The following VDR variants were observed in gnomAD, a reference collection of about 807,000 sequenced individuals.
VDR encodes vitamin D3 receptor.
A neutral mutation model predicts 39.7 loss-of-function variants in VDR; 19 were observed. The observed-to-expected ratio is 0.48, with a 90% CI of 0.33 to 0.70. The LOEUF is 0.70. Among genes scored for constraint, VDR ranks in the 30% least tolerant of loss-of-function variants. The pLI is 0.02. For synonymous variants in VDR, 242 were observed against 215.8 expected (o/e 1.12, Z -1.07); for missense variants, 442 against 570.5 (o/e 0.77, Z 2.29).
chr12:47,869,712 T>C (rs1232787296), intron 3 of VDR, among the ~76,000 whole-genome samples: 1 of 151,996 alleles, frequency 6.6e-6, no homozygotes, highest in Non-Finnish European at 1.5e-5. Context: ...CTGGCCAACA[T>C]GGTGAAACCC....
chr12:47,858,187 C>A (rs577305950), intron 4 of VDR, among the ~76,000 whole-genome samples: 1 of 152,134 alleles, frequency 6.6e-6, no homozygotes, highest in Non-Finnish European at 1.5e-5. Context: ...AGCAGATGCT[C>A]ACTAAATGTT....
In VDR at chr12:47,884,039, T is replaced by C. The variant is rs11574035; in HGVS notation, c.-83-1265A>G. 3.9e-5 allele frequency among the ~76,000 whole-genome samples: 6 copies of C among 152,052 alleles called. No individual in the cohort carries two copies. The South Asian group carries it at 1.2e-3, about 32-fold the overall frequency. ...AACCCAGGCCCTCCTTTGCCCCCTCTGCTCCTACTGCCCAAGTCCTTCCCA... is the reference window on the plus strand; with the variant it reads ...AACCCAGGCCCTCCTTTGCCCCCTCCGCTCCTACTGCCCAAGTCCTTCCCA... On this transcript the variant is annotated intron_variant, in intron 1 of 9. Coordinates refer to ENST00000549336, the MANE Select transcript of VDR (RefSeq NM_000376.3).
chr12:47,889,526 A>G (rs1309028713), intron 1 of VDR, among the ~76,000 whole-genome samples: 1 of 152,122 alleles, frequency 6.6e-6, no homozygotes, highest in East Asian at 1.9e-4. Flanking sequence ...ATGAACAAGA[A>G]CTCAAGACAG....
In VDR at chr12:47,844,687, GCCTGGCACGTGGC is replaced by G; in HGVS notation, c.*46_*58del. 6.2e-7 allele frequency: 1 copy of G among 1,610,306 alleles called. No homozygotes were observed. Among genetic ancestry groups the G allele is most frequent in the Non-Finnish European group, 8.5e-7 (1 of 1,178,930 alleles). ...GCTGCTGAGTAGCCGCCAGCCCCGG[GCCTGGCACGTGGC>G]CCTGGAGGAGCAGCCCCACCCAGGC... On this transcript the variant is annotated 3_prime_UTR_variant, in exon 10 of 10. Coordinates refer to ENST00000549336, the MANE Select transcript of VDR (RefSeq NM_000376.3).
At chr12:47,882,636 A>T (rs886447380) in intron 2 of VDR, 58 bp downstream of exon 2, 2 of 277,316 alleles carry the variant, frequency 7.2e-6, no homozygotes, top group Non-Finnish European at 1.3e-5. Context: ...CCTCCCCCCC[A>T]CCCCGCCCCT....
intron 1 of VDR, among the ~76,000 whole-genome samples, chr12:47,891,545 C>T (rs1225719492): frequency 2.0e-5 from 3 of 152,142 alleles, no homozygotes; most frequent in African/African-American, 7.2e-5. Flanking sequence ...AAACTGACCA[C>T]CCCACCCACT....
Position 47,844,626 on chromosome 12 carries a change from C to T in VDR, c.*120G>A. 2 of 1,385,582 alleles carry T rather than the reference C, an allele frequency of 1.4e-6. No homozygotes were observed. The highest frequency in any genetic ancestry group is 1.2e-5 in the South Asian group (1 of 80,694). The allele number at this position is 1,385,582 out of a possible 1,614,324, so 85.8% of individuals were successfully genotyped here. A position where few individuals can be genotyped will look rare whatever the true frequency, so the allele number is the denominator to read the frequency against. ...TGGGCTGGGTGGATAGGGGAGGTGG[C>T]AGAGGAGGGGCTGAACCCCAGACGG... On this transcript the variant is annotated 3_prime_UTR_variant, in exon 10 of 10. Transcript: ENST00000549336.
rs116207581 is a variant in VDR, at chr12:47,886,435, C to T, written c.-83-3661G>A. Among the ~76,000 whole-genome samples, 804 of 152,338 alleles carry T rather than the reference C, an allele frequency of 5.3e-3. 4 individuals carry two copies. Among genetic ancestry groups the T allele is most frequent in the African/African-American group, 0.019 (775 of 41,564 alleles). On this transcript the variant is annotated intron_variant, in intron 1 of 9. Transcript: ENST00000549336. The stretch of plus-strand genomic sequence containing the variant: ...CCCTCTCTTTCTTCTCCACCATCCC[C>T]ACCATGTATCCATTTTCTTTGTCCA...
chr12:47,882,625 C>CCCAG, intron 2 of VDR, 69 bp downstream of exon 2: 6 of 526,224 alleles, frequency 1.1e-5, no homozygotes, highest in Non-Finnish European at 1.7e-5. Flanking sequence ...CTTCTTATGC[C>CCCAG]CCTCCCCCCC....
At chr12:47,858,546 C>T (rs754063523) in intron 4 of VDR, among the ~76,000 whole-genome samples, 5 of 152,260 alleles carry the variant, frequency 3.3e-5, no homozygotes, top group African/African-American at 4.8e-5. Flanking sequence ...GAGAGCCCCA[C>T]CACCACCTGC....
At chr12:47,865,216 C>T (rs1325827995) in intron 3 of VDR, 39 bp from the exon 4 acceptor site, 1 of 1,604,314 alleles carries the variant, frequency 6.2e-7, no homozygotes, top group Admixed American at 1.7e-5. Context: ...GGTCACTGAA[C>T]TTCCGGCTCC....
intron 7 of VDR, among the ~76,000 whole-genome samples, chr12:47,848,514 G>A (rs376568127): frequency 4.1e-4 from 58 of 142,712 alleles, no homozygotes; most frequent in Non-Finnish European, 5.9e-4. Context: ...TATTTTGCCC[G>A]TCTCCTCCAG....
intron 4 of VDR, 78 bp from the exon 5 acceptor site, chr12:47,857,766 A>AGGT: frequency 6.5e-7 from 1 of 1,532,146 alleles, no homozygotes; most frequent in Non-Finnish European, 8.9e-7. Context: ...TTGGGGGTAA[A>AGGT]GGTCCAAGAT....
chr12:47,868,074 C>T (rs1049216064), intron 3 of VDR, among the ~76,000 whole-genome samples: 1 of 152,218 alleles, frequency 6.6e-6, no homozygotes, highest in African/African-American at 2.4e-5. Flanking sequence ...AAGAAACTTA[C>T]AGGTGAGGAT....
At chr12:47,904,105 G>A (rs571160528) in intron 1 of VDR, among the ~76,000 whole-genome samples, 1 of 148,878 alleles carries the variant, frequency 6.7e-6, no homozygotes, top group East Asian at 2.0e-4. Flanking sequence ...AGGAACAAGA[G>A]GAGGAGGAGG....
At chr12:47,849,032 A>T (rs1407949119) in intron 7 of VDR, among the ~76,000 whole-genome samples, 1 of 152,208 alleles carries the variant, frequency 6.6e-6, no homozygotes, top group Non-Finnish European at 1.5e-5. Context: ...CTGAGTCAGG[A>T]ATGGGCTTGT....
chr12:47,847,939 G>T (rs751621908), intron 7 of VDR, among the ~76,000 whole-genome samples: 23 of 151,936 alleles, frequency 1.5e-4, no homozygotes, highest in African/African-American at 5.3e-4. Context: ...TCACTTTGTC[G>T]CCCAGGCTGG....
intron 3 of VDR, among the ~76,000 whole-genome samples, chr12:47,870,694 G>A (rs560106785): frequency 7.9e-5 from 12 of 152,194 alleles, no homozygotes; most frequent in South Asian, 6.2e-4. Context: ...AGAGACGCAC[G>A]TTGCATAACC....
At chr12:47,904,715 A>G in intron 1 of VDR, 2 of 1,390,650 alleles carry the variant, frequency 1.4e-6, no homozygotes, top group Non-Finnish European at 2.0e-6. Flanking sequence ...ATTTCTCCTA[A>G]GCGCCGAGGA....
Sources: allele counts gnomAD v4.1 joint callset (sites outside exome capture counted in the v4.1 genomes callset), GRCh38; gene constraint gnomAD v4.1.1; transcripts MANE v1.5; gene names NCBI Gene and HGNC (gene_info 2026-07-23, HGNC 2026-07-21).